The following B4GALNT2 variants were observed in gnomAD, a reference collection of about 807,000 sequenced individuals.
B4GALNT2 encodes the protein beta-1,4-N-acetyl-galactosaminyltransferase 2 (SID blood group).
A neutral mutation model predicts 51.1 loss-of-function variants in B4GALNT2; 42 were observed. The ratio of observed to expected loss-of-function variants is 0.82; its 90% CI spans 0.64 to 1.06. The LOEUF is 1.06. Among genes scored for constraint, B4GALNT2 ranks in the 50% least tolerant of loss-of-function variants. The pLI is 0.00. For synonymous variants in B4GALNT2, 253 were observed against 251.7 expected (o/e 1.01, Z -0.05); for missense variants, 602 against 633.6 (o/e 0.95, Z 0.54).
intron 2 of B4GALNT2, among the ~76,000 whole-genome samples, chr17:49,141,675 T>A (rs983915635): frequency 2.0e-5 from 3 of 151,234 alleles, no homozygotes; most frequent in African/African-American, 7.3e-5. Flanking sequence ...GAGCATGTAG[T>A]TTTTTTTTAT....
intron 2 of B4GALNT2, 143 bp downstream of exon 2, chr17:49,141,590 C>A: frequency 2.3e-6 from 2 of 880,488 alleles, no homozygotes; most frequent in Non-Finnish European, 1.7e-6. Context: ...TGACTGCAAG[C>A]CAGGATGGGG....
chr17:49,169,858 TCA>T lies in B4GALNT2; in HGVS notation c.*131_*132del, dbSNP rs1368952238. 7.9e-6 allele frequency: 7 copies of T among 889,838 alleles called. No homozygotes were observed. The African/African-American group carries it at 8.5e-5, about 11-fold the overall frequency. The allele number at this position is 889,838 out of a possible 1,614,324, so 55.1% of individuals were successfully genotyped here. A position where few individuals can be genotyped will look rare whatever the true frequency, so the allele number is the denominator to read the frequency against. On this transcript the variant is annotated 3_prime_UTR_variant, in exon 11 of 11. Transcript: ENST00000393354. ...GGTGGGTAGGGAAAAGGGAAATGGC[TCA>T]GTTACTGGAAGTACCAATCAAAGGT...
At chr17:49,167,131 A>G (rs1423328861) in intron 9 of B4GALNT2, among the ~76,000 whole-genome samples, 1 of 151,646 alleles carries the variant, frequency 6.6e-6, no homozygotes, top group Non-Finnish European at 1.5e-5. Context: ...CAACTCTTAC[A>G]GAGACCAGAT....
intron 3 of B4GALNT2, among the ~76,000 whole-genome samples, chr17:49,146,303 G>A (rs1231515827): frequency 6.6e-6 from 1 of 152,006 alleles, no homozygotes; most frequent in East Asian, 1.9e-4. Flanking sequence ...ATCCATTGCC[G>A]CACTTCTTCT....
rs185449446 is a variant in B4GALNT2, at chr17:49,150,895, C to T, written c.354-1905C>T. ...TGTGAACCTGCCAAATCCCCCTCTG[C>T]GAGAAACACCCAAGAATGATCAATT... On this transcript the variant is annotated intron_variant, in intron 3 of 10. Transcript: ENST00000393354. 2.3e-3 allele frequency among the ~76,000 whole-genome samples: 345 copies of T among 151,050 alleles called. 1 individual carries two copies. Among genetic ancestry groups the T allele is most frequent in the Non-Finnish European group, 3.7e-3 (254 of 67,848 alleles).
intron 10 of B4GALNT2, 127 bp from the exon 11 acceptor site, chr17:49,169,396 G>A (rs988363733): frequency 4.6e-5 from 38 of 830,588 alleles, no homozygotes; most frequent in African/African-American, 1.8e-4. Context: ...GTGGCTTCAC[G>A]TGGGGCTGAA....
At position 49,165,033 on chromosome 17, in the gene B4GALNT2, C is replaced by T. The variant is rs538885592; in HGVS notation, c.954+758C>T. ...CTCACTGTGTTGGCCAGGTTGGTCT[C>T]GAACTCCTGGGCTCAAGAGATCCTT... On this transcript the variant is annotated intron_variant, in intron 8 of 10. Coordinates refer to ENST00000393354, the MANE Select transcript of B4GALNT2 (RefSeq NM_001159387.2). 6.6e-5 allele frequency among the ~76,000 whole-genome samples: 10 copies of T among 152,126 alleles called. No individual in the cohort carries two copies. In the East Asian group the frequency reaches 7.7e-4, roughly 12 times the overall value.
chr17:49,152,898 C>G lies in B4GALNT2; in HGVS notation c.452C>G (p.Pro151Arg). ...GVEVMPLHTV[P>R]IPGLQFEGPD... is the part of the protein sequence containing the mutation. Reference sequence around the variant, plus strand: ...GAGGTGATGCCCCTGCACACGGTTCCCATCCCAGGTAAGTACATCCACATA... The same window carrying G: ...GAGGTGATGCCCCTGCACACGGTTCGCATCCCAGGTAAGTACATCCACATA... The change falls in exon 4 of 11, where the codon CCC becomes CGC. Residue 151 changes from proline (P) to arginine (R), a missense_variant. Coordinates refer to ENST00000393354, the MANE Select transcript of B4GALNT2 (RefSeq NM_001159387.2). 1 of 1,608,658 alleles carries G rather than the reference C, an allele frequency of 6.2e-7. No homozygotes were observed. Among genetic ancestry groups the G allele is most frequent in the Non-Finnish European group, 8.5e-7 (1 of 1,177,036 alleles).
In B4GALNT2 at chr17:49,155,824, C is replaced by T. The variant is rs1384895908; in HGVS notation, c.461-742C>T. Among the ~76,000 whole-genome samples the T allele has an allele frequency of 4.0e-5, 6 of 151,764 alleles. No homozygotes were observed. In the South Asian group the frequency reaches 1.0e-3, roughly 26 times the overall value. ...CTGCAAGCTCCGCCTCCCGGGTTCA[C>T]GCCATTCTCCCGCTCAGCCTCCTGA... On this transcript the variant is annotated intron_variant, in intron 4 of 10. Transcript: ENST00000393354.
chr17:49,148,442 G>A, intron 3 of B4GALNT2: 1 of 292,712 alleles, frequency 3.4e-6, no homozygotes, highest in Non-Finnish European at 6.7e-6. Context: ...GCAGGCTGTG[G>A]GCTTCCCCAC....
At chr17:49,164,568 C>T (rs2042894394) in intron 8 of B4GALNT2, among the ~76,000 whole-genome samples, 3 of 145,538 alleles carry the variant, frequency 2.1e-5, no homozygotes. Flanking sequence ...GTGGCATGAT[C>T]TCAGCTCACT....
rs543343137 is a variant in B4GALNT2, at chr17:49,174,933, A to G, written c.*5205A>G. ...CATACGTTGACTTTGAGGGCTATACAATTGCTCTAGAATTAGAACTTGTGC... is the reference window on the plus strand; with the variant it reads ...CATACGTTGACTTTGAGGGCTATACGATTGCTCTAGAATTAGAACTTGTGC... On this transcript the variant is annotated 3_prime_UTR_variant, in exon 11 of 11. Coordinates refer to ENST00000393354, the MANE Select transcript of B4GALNT2 (RefSeq NM_001159387.2). 9.2e-5 allele frequency: 14 copies of G among 152,296 alleles called. No individual in the cohort carries two copies. In the South Asian group the frequency reaches 2.3e-3, roughly 25 times the overall value. The allele number at this position is 152,296 out of a possible 1,614,324, so 9.4% of individuals were successfully genotyped here.
intron 3 of B4GALNT2, among the ~76,000 whole-genome samples, chr17:49,146,079 G>T (rs1005611240): frequency 6.6e-6 from 1 of 152,044 alleles, no homozygotes; most frequent in Non-Finnish European, 1.5e-5. Flanking sequence ...TCCTGGACCC[G>T]TGAATCCTGG....
At position 49,169,567 on chromosome 17, in the gene B4GALNT2, C is replaced by T; in HGVS notation, c.1360C>T (p.Pro454Ser). ...AGGGACCCTACTCGTGGGGTCATGCCCAGAAGTGATTATAGGTCACCAGTC... is the reference window on the plus strand; with the variant it reads ...AGGGACCCTACTCGTGGGGTCATGCTCAGAAGTGATTATAGGTCACCAGTC... ...GLGTLLVGSCPEVIIGHQSRS... is the reference protein window; with the variant it reads ...GLGTLLVGSCSEVIIGHQSRS... Residue 454 changes from proline (P) to serine (S), a missense_variant, in exon 11 of 11, where the codon CCA (proline) becomes TCA (serine). Physicochemically the swap from Pro to Ser is moderately conservative, Grantham distance 74. Coordinates refer to ENST00000393354, the MANE Select transcript of B4GALNT2 (RefSeq NM_001159387.2). 2 of 1,612,718 alleles carry T rather than the reference C, an allele frequency of 1.2e-6. No homozygotes were observed. Among genetic ancestry groups the T allele is most frequent in the Non-Finnish European group, 8.5e-7 (1 of 1,180,016 alleles).
chr17:49,155,864 A>T (rs948085117), intron 4 of B4GALNT2, among the ~76,000 whole-genome samples: 1 of 151,532 alleles, frequency 6.6e-6, no homozygotes, highest in Non-Finnish European at 1.5e-5. Flanking sequence ...CCGGGACTAC[A>T]GGCACCCGCC....
Position 49,159,233 on chromosome 17 carries a change from T to C in B4GALNT2, c.679+16T>C, listed in dbSNP as rs1266289629. The stretch of plus-strand genomic sequence containing the variant: ...GTAGACATAGGTGAGAGCCTGTCCT[T>C]GGAGTGCAAAATGCTTAGGGATCCA... On this transcript the variant is annotated intron_variant, in intron 6 of 10. Transcript: ENST00000393354. 6.2e-7 allele frequency: 1 copy of C among 1,612,778 alleles called. No homozygotes were observed. Among genetic ancestry groups the C allele is most frequent in the Admixed American group, 1.7e-5 (1 of 59,984 alleles).
chr17:49,174,357 T>C lies in B4GALNT2; in HGVS notation c.*4629T>C, dbSNP rs1356960844. Reference sequence around the variant, plus strand: ...TTTAACATGCCTTGTGGCAACAGTTTCCAGTGAAAATGCTTAGCAGGCTGC... The same window carrying C: ...TTTAACATGCCTTGTGGCAACAGTTCCCAGTGAAAATGCTTAGCAGGCTGC... On this transcript the variant is annotated 3_prime_UTR_variant, in exon 11 of 11. Transcript: ENST00000393354. 3 of 152,246 alleles carry C rather than the reference T, an allele frequency of 2.0e-5. No homozygotes were observed. Among genetic ancestry groups the C allele is most frequent in the Non-Finnish European group, 4.4e-5 (3 of 68,052 alleles). 9.4% of individuals were successfully genotyped at this position (152,246 alleles called of 1,614,324 possible).
intron 7 of B4GALNT2, 136 bp downstream of exon 7, chr17:49,160,777 T>A: frequency 1.3e-6 from 1 of 792,664 alleles, no homozygotes; most frequent in East Asian, 2.5e-5. Context: ...AAGCTTCGTT[T>A]GGAGGAAAAA....
intron 5 of B4GALNT2, among the ~76,000 whole-genome samples, chr17:49,158,497 G>A (rs1223265774): frequency 1.3e-5 from 2 of 152,082 alleles, no homozygotes; most frequent in African/African-American, 4.8e-5. Context: ...AATTAGCCAC[G>A]TGTGGTGGCT....
Sources: gnomAD v4.1 joint callset for allele counts (sites outside exome capture counted in the v4.1 genomes callset) on GRCh38, gnomAD v4.1.1 for gene constraint, MANE v1.5 for transcripts, NCBI Gene and HGNC (gene_info 2026-07-23, HGNC 2026-07-21) for gene names.